NIPAL1: variants seen among roughly 807,000 people sequenced by gnomAD.
NIPAL1 encodes magnesium transporter NIPA3.
In NIPAL1, 35 loss-of-function variants were observed where a neutral mutation model predicts 37.7. That is an observed-to-expected ratio of 0.93 (90% CI 0.71 to 1.23). NIPAL1 has a LOEUF of 1.23. NIPAL1 is among the 50% of genes most tolerant of loss of function. The pLI is 0.00. For synonymous variants in NIPAL1, 162 were observed against 183.0 expected (o/e 0.89, Z 0.93); for missense variants, 412 against 473.9 (o/e 0.87, Z 1.21).
At chr4:48,031,046 T>A (rs1301555777) in intron 3 of NIPAL1, among the ~76,000 whole-genome samples, 5 of 152,092 alleles carry the variant, frequency 3.3e-5, no homozygotes, top group Non-Finnish European at 7.4e-5. Context: ...ATTGTGGATT[T>A]TTTTGGGGTT....
intron 1 of NIPAL1, among the ~76,000 whole-genome samples, chr4:48,019,255 C>T (rs370679621): frequency 3.9e-5 from 6 of 152,202 alleles, no homozygotes; most frequent in Admixed American, 2.0e-4. Flanking sequence ...TCAAGTGATA[C>T]TCCTACCTTG....
intron 4 of NIPAL1, among the ~76,000 whole-genome samples, chr4:48,033,897 A>G (rs1400607018): frequency 6.6e-6 from 1 of 152,258 alleles, no homozygotes; most frequent in African/African-American, 2.4e-5. Context: ...GTTAATACAC[A>G]TAAAGCACTT....
chr4:48,016,976 G>A (rs190716929), intron 1 of NIPAL1, 91 bp downstream of exon 1: 4 of 1,102,338 alleles, frequency 3.6e-6, no homozygotes, highest in African/African-American at 1.5e-5. Context: ...GACTGGAAAG[G>A]GGGGCTGTAC....
chr4:48,017,379 C>T (rs1715449643), intron 1 of NIPAL1, among the ~76,000 whole-genome samples: 1 of 152,190 alleles, frequency 6.6e-6, no homozygotes, highest in Admixed American at 6.5e-5. Flanking sequence ...GTTGGGCGCC[C>T]GGGGCCGCGG....
chr4:48,024,500 C>T (rs1715645582), intron 1 of NIPAL1, among the ~76,000 whole-genome samples: 1 of 152,120 alleles, frequency 6.6e-6, no homozygotes, highest in Non-Finnish European at 1.5e-5. Flanking sequence ...AGGCTGGTCT[C>T]AAACTCCTGG....
intron 1 of NIPAL1, among the ~76,000 whole-genome samples, chr4:48,019,062 C>T (rs1330344355): frequency 1.3e-5 from 2 of 152,150 alleles, no homozygotes; most frequent in Non-Finnish European, 2.9e-5. Flanking sequence ...ACTCCGTCAC[C>T]CAGGATGGCA....
In NIPAL1 at chr4:48,036,083, G is replaced by T. The variant is rs1336066416; in HGVS notation, c.1144G>T (p.Glu382Ter). ...AGAAGCCGTCTCTCTGAATGTCAATGAAAACAATTATGTTTTACTAGAGAA... is the reference window on the plus strand; with the variant it reads ...AGAAGCCGTCTCTCTGAATGTCAATTAAAACAATTATGTTTTACTAGAGAA... Reference protein sequence around the residue: ...KKEAVSLNVNENNYVLLENLE... With the variant: ...KKEAVSLNVN The change falls in exon 6 of 6, where the codon GAA (glutamate) becomes TAA (stop). Residue 382 changes from glutamate (E) to a stop codon, truncating the protein, a stop_gained. Coordinates refer to ENST00000295461, the MANE Select transcript of NIPAL1 (RefSeq NM_207330.3). LOFTEE classifies it high-confidence loss of function. 1 of 1,609,238 alleles carries T rather than the reference G, an allele frequency of 6.2e-7. No individual in the cohort carries two copies. Among genetic ancestry groups the T allele is most frequent in the East Asian group, 2.2e-5 (1 of 44,884 alleles).
chr4:48,039,765 TTTC>T lies in NIPAL1; in HGVS notation c.*3596_*3598del, dbSNP rs1270191033. On this transcript the variant is annotated 3_prime_UTR_variant, in exon 6 of 6. Coordinates refer to ENST00000295461, the MANE Select transcript of NIPAL1 (RefSeq NM_207330.3). ...TAATAGGCACTTAGTAAAATGTACT[TTTC>T]TTTGAATCAACATTTGAATTCTTAC... 1 of 152,248 alleles carries T rather than the reference TTTC, an allele frequency of 6.6e-6. No homozygotes were observed. Among genetic ancestry groups the T allele is most frequent in the African/African-American group, 2.4e-5 (1 of 41,470 alleles). 9.4% of individuals were successfully genotyped at this position (152,248 alleles called of 1,614,324 possible). A position where few individuals can be genotyped will look rare whatever the true frequency, so the allele number is the denominator to read the frequency against.
In NIPAL1 at chr4:48,025,157, T is replaced by C; in HGVS notation, c.136T>C (p.Tyr46His). ...VSQLLASPVL[Y>H]TDLNYSINNL... is the part of the protein sequence containing the mutation. ...ACAGCTGCTGGCTTCTCCTGTGCTCTACACGGACCTGAATTACAGCATAAA... is the reference window on the plus strand; with the variant it reads ...ACAGCTGCTGGCTTCTCCTGTGCTCCACACGGACCTGAATTACAGCATAAA... Residue 46 changes from tyrosine to histidine, a missense_variant, in exon 2 of 6, where the codon TAC becomes CAC. Tyr to His is a moderately conservative substitution (Grantham distance 83). Transcript: ENST00000295461. 3 of 1,614,228 alleles carry C rather than the reference T, an allele frequency of 1.9e-6. No homozygotes were observed. In the South Asian group the frequency reaches 3.3e-5, roughly 18 times the overall value.
At chr4:48,026,986 G>A (rs1244434681) in intron 2 of NIPAL1, among the ~76,000 whole-genome samples, 1 of 151,674 alleles carries the variant, frequency 6.6e-6, no homozygotes, top group African/African-American at 2.4e-5. Flanking sequence ...CCAAAGTGCT[G>A]GGATTACAGG....
chr4:48,024,140 C>T lies in NIPAL1; in HGVS notation c.47-928C>T, dbSNP rs181417850. On this transcript the variant is annotated intron_variant, in intron 1 of 5. Transcript: ENST00000295461. ...GGCATGCACCACCATGCCCATGCCC[C>T]GCTAATTTTTGTATTTTTAGTAGAG... Among the ~76,000 whole-genome samples the T allele has an allele frequency of 1.5e-3, 230 of 151,924 alleles. 1 individual carries two copies. Among genetic ancestry groups the T allele is most frequent in the African/African-American group, 5.2e-3 (215 of 41,464 alleles).
intron 3 of NIPAL1, 111 bp downstream of exon 3, chr4:48,030,287 TTAAGTC>T (rs1408413793): frequency 1.5e-5 from 10 of 675,714 alleles, no homozygotes; most frequent in Non-Finnish European, 2.6e-5. Context: ...AGGATGGAAT[TTAAGTC>T]TAAACATTTT....
chr4:48,017,736 T>C (rs1412498160), intron 1 of NIPAL1, among the ~76,000 whole-genome samples: 1 of 152,000 alleles, frequency 6.6e-6, no homozygotes, highest in African/African-American at 2.4e-5. Flanking sequence ...GAAATGATGG[T>C]TTTCGCCGTA....
rs1235854999 is a variant in NIPAL1, at chr4:48,035,554, T to G, written c.623-8T>G. The G allele has an allele frequency of 6.3e-7, 1 of 1,591,846 alleles. No individual in the cohort carries two copies. Among genetic ancestry groups the G allele is most frequent in the Non-Finnish European group, 8.5e-7 (1 of 1,175,112 alleles). Reference sequence around the variant, plus strand: ...TTCTAAAGTCAAATTCTTTTCTCCTTCTAACAGGGTTTATTTCCTTTGCTG... The same window carrying G: ...TTCTAAAGTCAAATTCTTTTCTCCTGCTAACAGGGTTTATTTCCTTTGCTG... On this transcript the variant is annotated splice_polypyrimidine_tract_variant and splice_region_variant and intron_variant, in intron 5 of 5. Transcript: ENST00000295461.
chr4:48,026,985 TGGGATTACA>T (rs1715708987), intron 2 of NIPAL1, among the ~76,000 whole-genome samples: 1 of 151,796 alleles, frequency 6.6e-6, no homozygotes, highest in Non-Finnish European at 1.5e-5. Context: ...CCCAAAGTGC[TGGGATTACA>T]GGTGTGAGCC....
At position 48,034,911 on chromosome 4, in the gene NIPAL1, G is replaced by A. The variant is rs1715892104; in HGVS notation, c.492G>A (p.Glu164=). 6.2e-7 allele frequency: 1 copy of A among 1,613,220 alleles called. No homozygotes were observed. Residue 164 remains glutamate, a synonymous_variant, in exon 5 of 6, where the codon GAG becomes GAA. Transcript: ENST00000295461. ...SAILSSYFLN[E]HLNIHGKIGC... is the part of the protein sequence containing the mutation. The stretch of plus-strand genomic sequence containing the variant: ...TATTATCTTCCTACTTTTTAAACGA[G>A]CACTTGAACATTCATGGGAAAATAG...
Position 48,036,473 on chromosome 4 carries a change from C to G in NIPAL1, c.*301C>G, listed in dbSNP as rs934456358. ...GTATCTTTGTCTCTGCCAGGTGGCT[C>G]TTCATTTCTTTGGTAGCTATTTTTA... On this transcript the variant is annotated 3_prime_UTR_variant, in exon 6 of 6. Transcript: ENST00000295461. 4 of 329,432 alleles carry G rather than the reference C, an allele frequency of 1.2e-5. No individual in the cohort carries two copies. Among genetic ancestry groups the G allele is most frequent in the Middle Eastern group, 8.9e-4 (1 of 1,126 alleles). The allele number at this position is 329,432 out of a possible 1,614,324, so 20.4% of individuals were successfully genotyped here. A position where few individuals can be genotyped will look rare whatever the true frequency, so the allele number is the denominator to read the frequency against.
Position 48,033,081 on chromosome 4 carries a change from A to G in NIPAL1, c.459A>G (p.Ile153Met), listed in dbSNP as rs550140588. 10 of 1,604,630 alleles carry G rather than the reference A, an allele frequency of 6.2e-6. No homozygotes were observed. The African/African-American group carries it at 1.1e-4, about 17-fold the overall frequency. ...VTPLGALSVL[I>M]SAILSSYFLN... The stretch of plus-strand genomic sequence containing the variant: ...CTCTGGGTGCTTTGAGTGTTCTCAT[A>G]AGGTATGTGAGCAACAGGGAACTTG... Residue 153 changes from isoleucine to methionine, a missense_variant and splice_region_variant, in exon 4 of 6, where the codon ATA (isoleucine) becomes ATG (methionine). Transcript: ENST00000295461.
intron 4 of NIPAL1, 114 bp from the exon 5 acceptor site, chr4:48,034,767 C>G: frequency 1.4e-6 from 1 of 730,988 alleles, no homozygotes; most frequent in Non-Finnish European, 2.3e-6. Context: ...ATAGCATATT[C>G]CAGTCAGCTC....
Sources: gnomAD v4.1 joint callset for allele counts (sites outside exome capture counted in the v4.1 genomes callset) on GRCh38, gnomAD v4.1.1 for gene constraint, MANE v1.5 for transcripts, NCBI Gene and HGNC (gene_info 2026-07-23, HGNC 2026-07-21) for gene names.